LYPD5: variants seen among roughly 807,000 people sequenced by gnomAD.
The protein encoded by LYPD5 is LY6/PLAUR domain containing 5.
LYPD5 carries 21 observed loss-of-function variants against 19.1 expected under a neutral mutation model. That is an observed-to-expected ratio of 1.10 (90% CI 0.78 to 1.58). The LOEUF (loss-of-function observed/expected upper bound fraction) is 1.58, where lower values mean the gene tolerates loss of function less well. Ranked by LOEUF, LYPD5 falls within the 40% of genes most tolerant of loss-of-function variation. The pLI is 0.00. For missense variants in LYPD5, 287 were observed against 329.8 expected, an observed-to-expected ratio of 0.87 and a Z score of 1.00; for synonymous variants, 128 against 142.7, an observed-to-expected ratio of 0.90 and a Z score of 0.74.
At chr19:43,806,809 G>T (rs1343284098), upstream of LYPD5, among the ~76,000 whole-genome samples, 3 of 152,130 alleles carry the variant, frequency 2.0e-5, no homozygotes, top group Admixed American at 2.0e-4. Context: ...TAATGCTCTT[G>T]AATCATCTGA....
intron 1 of LYPD5, among the ~76,000 whole-genome samples, chr19:43,807,490 G>T (rs1970281239): frequency 6.6e-6 from 1 of 151,976 alleles, no homozygotes; most frequent in East Asian, 1.9e-4. Flanking sequence ...CACCATTTTG[G>T]CCAGGCTGGT....
upstream of LYPD5, among the ~76,000 whole-genome samples, chr19:43,806,844 A>G (rs1225382092): frequency 6.6e-6 from 1 of 152,208 alleles, no homozygotes; most frequent in East Asian, 1.9e-4. Context: ...CCCCAGGTCC[A>G]TGGAAAAATT....
At chr19:43,818,223 T>C (rs555851017) in intron 1 of LYPD5, among the ~76,000 whole-genome samples, 19 of 152,224 alleles carry the variant, frequency 1.2e-4, no homozygotes, top group African/African-American at 4.6e-4. Context: ...CTTGAGGGTC[T>C]CTCCTGGAAA....
At chr19:43,812,716 A>T (rs190273094) in intron 1 of LYPD5, among the ~76,000 whole-genome samples, 1 of 152,334 alleles carries the variant, frequency 6.6e-6, no homozygotes, top group African/African-American at 2.4e-5. Context: ...CCCACAAGGA[A>T]ATCGTAGGTT....
intron 1 of LYPD5, among the ~76,000 whole-genome samples, chr19:43,811,487 A>T (rs777228254): frequency 6.6e-6 from 1 of 152,180 alleles, no homozygotes; most frequent in African/African-American, 2.4e-5. Flanking sequence ...GGAGTTCAAG[A>T]CCAGACTGGC....
chr19:43,801,056 A>G (rs1970217863), intron 1 of LYPD5, among the ~76,000 whole-genome samples: 1 of 148,408 alleles, frequency 6.7e-6, no homozygotes, highest in Non-Finnish European at 1.5e-5. Flanking sequence ...AAAAAAACAC[A>G]TCAAAAGGCC....
chr19:43,807,256 C>A (rs532401289), upstream of LYPD5, among the ~76,000 whole-genome samples: 1 of 150,460 alleles, frequency 6.6e-6, no homozygotes, highest in East Asian at 1.9e-4. Flanking sequence ...CCCCTCACCT[C>A]ATTTTCTTTC....
intron 2 of LYPD5, among the ~76,000 whole-genome samples, chr19:43,799,478 C>T (rs1014364620): frequency 1.3e-5 from 2 of 152,128 alleles, no homozygotes; most frequent in African/African-American, 2.4e-5. Context: ...CTTCTGACCT[C>T]GTGATTCGCC....
At chr19:43,815,339 TA>T (rs869191310) in intron 1 of LYPD5, among the ~76,000 whole-genome samples, 117 of 142,234 alleles carry the variant, frequency 8.2e-4, no homozygotes, top group Middle Eastern at 3.5e-3. Context: ...AACCTATTTC[TA>T]AAAAAAAAAA....
At chr19:43,819,666 T>C (rs905175609) in intron 1 of LYPD5, among the ~76,000 whole-genome samples, 10 of 152,036 alleles carry the variant, frequency 6.6e-5, no homozygotes, top group Middle Eastern at 3.2e-3. Context: ...AACCCCCAAG[T>C]TGCCTTTTTA....
intron 1 of LYPD5, among the ~76,000 whole-genome samples, chr19:43,818,158 T>C (rs1970389071): frequency 1.3e-5 from 2 of 152,180 alleles, no homozygotes. Flanking sequence ...CACTGTGAGA[T>C]CAGACTTGGG....
intron 1 of LYPD5, among the ~76,000 whole-genome samples, chr19:43,816,359 A>G (rs568389276): frequency 6.6e-6 from 1 of 152,302 alleles, no homozygotes; most frequent in African/African-American, 2.4e-5. Context: ...GCATGATTTT[A>G]TTGGTGGAAT....
intron 2 of LYPD5, among the ~76,000 whole-genome samples, chr19:43,799,368 C>G (rs1052656640): frequency 7.2e-5 from 11 of 152,122 alleles, no homozygotes; most frequent in Admixed American, 1.3e-4. Flanking sequence ...CTCAGCCTCC[C>G]GAGTAGCTGG....
chr19:43,802,461 C>T, upstream of LYPD5: 1 of 1,307,700 alleles, frequency 7.6e-7, no homozygotes, highest in South Asian at 1.3e-5. Flanking sequence ...TCCTAAGCAT[C>T]CCGGCCACCC....
chr19:43,806,761 C>T (rs1430110358), upstream of LYPD5, among the ~76,000 whole-genome samples: 1 of 152,110 alleles, frequency 6.6e-6, no homozygotes, highest in Admixed American at 6.5e-5. Context: ...TCATATATTA[C>T]AATGTAATAA....
intron 1 of LYPD5, among the ~76,000 whole-genome samples, chr19:43,800,587 A>G (rs986491355): frequency 6.6e-6 from 1 of 152,212 alleles, no homozygotes; most frequent in African/African-American, 2.4e-5. Context: ...AAATCACAGA[A>G]GCACAAATAA....
intron 1 of LYPD5, among the ~76,000 whole-genome samples, chr19:43,815,250 T>C (rs1970361049): frequency 6.6e-6 from 1 of 151,852 alleles, no homozygotes; most frequent in Non-Finnish European, 1.5e-5. Flanking sequence ...ACGCCTGTAA[T>C]CTCAGCACTT....
At chr19:43,810,643 C>CT (rs1051650295) in intron 1 of LYPD5, among the ~76,000 whole-genome samples, 9 of 136,470 alleles carry the variant, frequency 6.6e-5, no homozygotes, top group East Asian at 2.3e-4. Context: ...TTCTTTCTTT[C>CT]TTTTTTTTGG....
At chr19:43,818,567 C>T (rs1007186706) in intron 1 of LYPD5, among the ~76,000 whole-genome samples, 13 of 152,190 alleles carry the variant, frequency 8.5e-5, no homozygotes, top group East Asian at 1.9e-4. Context: ...GGTTCTGTAA[C>T]GTCTCATGCA....
Sources: allele counts gnomAD v4.1 joint callset (sites outside exome capture counted in the v4.1 genomes callset), GRCh38; gene constraint gnomAD v4.1.1; transcripts MANE v1.5; gene names NCBI Gene and HGNC (gene_info 2026-07-23, HGNC 2026-07-21).